Variants in REDIC1 observed in about 807,000 individuals in gnomAD.
REDIC1 encodes regulator of DNA class I crossover intermediates 1, also known as HEI10 Interacting Protein 1.
At chr12:39,899,514 C>T in the REDIC1 span, among the ~76,000 whole-genome samples, 15 of 151,994 alleles carry the variant, frequency 9.9e-5, no homozygotes, top group Non-Finnish European at 1.8e-4. Context: ...ATTTCTTGCC[C>T]TCTGCTAGCT....
the REDIC1 span, among the ~76,000 whole-genome samples, chr12:39,896,502 G>A: frequency 6.9e-6 from 1 of 144,716 alleles, no homozygotes; most frequent in Non-Finnish European, 1.5e-5. Flanking sequence ...ACACATATAT[G>A]TATGTACATG....
At chr12:39,679,775 C>T in the REDIC1 span, among the ~76,000 whole-genome samples, 3 of 152,082 alleles carry the variant, frequency 2.0e-5, no homozygotes, top group Non-Finnish European at 4.4e-5. Context: ...AACAGCATGG[C>T]ACTGGTATAA....
chr12:39,904,512 G>A, the REDIC1 span, among the ~76,000 whole-genome samples: 1 of 152,070 alleles, frequency 6.6e-6, no homozygotes, highest in East Asian at 1.9e-4. Flanking sequence ...TATACTTCAA[G>A]ACCTTAACTT....
At chr12:39,712,039 T>TACCTACCTGTATGTATATAA in the REDIC1 span, among the ~76,000 whole-genome samples, 1 of 143,304 alleles carries the variant, frequency 7.0e-6, no homozygotes, top group Non-Finnish European at 1.5e-5. Flanking sequence ...CATGTATATA[T>TACCTACCTGTATGTATATAA]ACCTACCTGT....
At chr12:39,719,901 A>G in the REDIC1 span, among the ~76,000 whole-genome samples, 1 of 152,130 alleles carries the variant, frequency 6.6e-6, no homozygotes, top group Admixed American at 6.6e-5. Flanking sequence ...CCATTTTAAG[A>G]CGTATCTACT....
the REDIC1 span, among the ~76,000 whole-genome samples, chr12:39,836,318 C>T: frequency 6.6e-6 from 1 of 151,996 alleles, no homozygotes; most frequent in Non-Finnish European, 1.5e-5. Context: ...AAATTAGAGT[C>T]CAGGCAAGTA....
the REDIC1 span, among the ~76,000 whole-genome samples, chr12:39,728,668 GT>G: frequency 2.0e-5 from 3 of 151,506 alleles, no homozygotes; most frequent in Non-Finnish European, 4.4e-5. Flanking sequence ...CATAAAATGA[GT>G]TAGTGAAGAG....
At chr12:39,783,332 C>G in the REDIC1 span, among the ~76,000 whole-genome samples, 1 of 152,170 alleles carries the variant, frequency 6.6e-6, no homozygotes, top group African/African-American at 2.4e-5. Flanking sequence ...AATAAACATA[C>G]GTGTGCATGT....
At chr12:39,762,935 C>G in the REDIC1 span, among the ~76,000 whole-genome samples, 3 of 151,814 alleles carry the variant, frequency 2.0e-5, no homozygotes, top group Non-Finnish European at 4.4e-5. Context: ...CTCTGGTTTT[C>G]TGGCAGGATA....
the REDIC1 span, among the ~76,000 whole-genome samples, chr12:39,697,176 A>G: frequency 6.6e-6 from 1 of 152,256 alleles, no homozygotes; most frequent in Non-Finnish European, 1.5e-5. Flanking sequence ...CAGACTTTGC[A>G]GTGGAAGCCT....
chr12:39,801,498 T>C, the REDIC1 span, among the ~76,000 whole-genome samples: 1 of 152,178 alleles, frequency 6.6e-6, no homozygotes, highest in Admixed American at 6.5e-5. Context: ...CTAATTTCTC[T>C]TGGCACAGAA....
At chr12:39,748,590 C>T in the REDIC1 span, among the ~76,000 whole-genome samples, 4 of 152,334 alleles carry the variant, frequency 2.6e-5, no homozygotes, top group African/African-American at 9.6e-5. Context: ...CTACAGAACT[C>T]TCCACCCCAA....
At chr12:39,694,004 C>T in the REDIC1 span, among the ~76,000 whole-genome samples, 29 of 152,220 alleles carry the variant, frequency 1.9e-4, no homozygotes, top group East Asian at 5.8e-4. Context: ...CACAGGGGGA[C>T]GGATAGATAG....
chr12:39,745,706 A>G, the REDIC1 span, among the ~76,000 whole-genome samples: 2 of 152,222 alleles, frequency 1.3e-5, no homozygotes, highest in South Asian at 4.1e-4. Context: ...TATCATCCAA[A>G]TGTGTTTATG....
chr12:39,761,622 G>A, the REDIC1 span, among the ~76,000 whole-genome samples: 1 of 26,284 alleles, frequency 3.8e-5, no homozygotes, highest in Non-Finnish European at 7.1e-5. Context: ...GAGAATGGGG[G>A]AATTTTGACA....
chr12:39,774,113 A>C, the REDIC1 span, among the ~76,000 whole-genome samples: 1 of 152,206 alleles, frequency 6.6e-6, no homozygotes, highest in East Asian at 1.9e-4. Flanking sequence ...TTATTGATAG[A>C]AATTTATGAT....
At chr12:39,712,345 TATATATAC>T in the REDIC1 span, among the ~76,000 whole-genome samples, 3 of 46,346 alleles carry the variant, frequency 6.5e-5, no homozygotes, top group African/African-American at 1.0e-4. Flanking sequence ...TACCTGTATT[TATATATAC>T]ATACATACAT....
At chr12:39,872,670 C>T in the REDIC1 span, among the ~76,000 whole-genome samples, 1 of 152,192 alleles carries the variant, frequency 6.6e-6, no homozygotes, top group Non-Finnish European at 1.5e-5. Flanking sequence ...GAAGATATGT[C>T]TGGCACATTT....
At chr12:39,838,518 A>G in the REDIC1 span, among the ~76,000 whole-genome samples, 1 of 151,514 alleles carries the variant, frequency 6.6e-6, no homozygotes, top group Non-Finnish European at 1.5e-5. Context: ...AAAAAAAAAA[A>G]AAGAAAGGGA....
Sources: allele counts gnomAD v4.1 joint callset (sites outside exome capture counted in the v4.1 genomes callset), GRCh38; gene constraint gnomAD v4.1.1; transcripts MANE v1.5; gene names NCBI Gene and HGNC (gene_info 2026-07-23, HGNC 2026-07-21).